Variants in ERC2 observed in about 807,000 individuals in gnomAD.
ERC2 encodes the protein ELKS/RAB6-interacting/CAST family member 2, also known as ERC protein 2.
A neutral mutation model predicts 114.8 loss-of-function variants in ERC2; 42 were observed. That is an observed-to-expected ratio of 0.37 (90% confidence interval 0.29 to 0.47). The LOEUF (loss-of-function observed/expected upper bound fraction) is 0.47. Ranked by LOEUF, ERC2 falls within the 20% of genes least tolerant of loss-of-function variation. The pLI is 0.99. For missense variants in ERC2, 939 were observed against 1,150.7 expected (o/e 0.82, Z 2.66); for synonymous variants, 454 against 425.5 (o/e 1.07, Z -0.82).
chr3:56,381,106 A>G (rs909976098), intron 2 of ERC2, among the ~76,000 whole-genome samples: 14 of 152,246 alleles, frequency 9.2e-5, no homozygotes, highest in Middle Eastern at 3.2e-3. Context: ...TGATTATGCC[A>G]AGAAAAACCT....
chr3:56,095,245 T>A (rs576220928), intron 6 of ERC2, among the ~76,000 whole-genome samples: 1 of 152,172 alleles, frequency 6.6e-6, no homozygotes, highest in Non-Finnish European at 1.5e-5. Context: ...CAAAAAGTAT[T>A]AATATAGATA....
At chr3:56,409,561 A>C in intron 2 of ERC2, among the ~76,000 whole-genome samples, 1 of 151,826 alleles carries the variant, frequency 6.6e-6, no homozygotes, top group Admixed American at 6.6e-5. Flanking sequence ...GGCTGGTGAT[A>C]TTTAAATGAA....
intron 2 of ERC2, among the ~76,000 whole-genome samples, chr3:56,389,535 G>A (rs1466221228): frequency 6.6e-6 from 1 of 152,196 alleles, no homozygotes; most frequent in African/African-American, 2.4e-5. Flanking sequence ...CAGCAGGAGA[G>A]GGCCACACAT....
chr3:55,866,918 A>G (rs777907665), intron 14 of ERC2, among the ~76,000 whole-genome samples: 1 of 152,142 alleles, frequency 6.6e-6, no homozygotes, highest in Non-Finnish European at 1.5e-5. Flanking sequence ...ATCGTCTTGG[A>G]TATCTTTTAT....
chr3:55,983,338 T>A (rs140015830), intron 12 of ERC2, among the ~76,000 whole-genome samples: 2 of 152,330 alleles, frequency 1.3e-5, no homozygotes, highest in African/African-American at 4.8e-5. Context: ...CATGCTAATC[T>A]CACAAATAGT....
chr3:55,888,831 T>C (rs950032614), intron 13 of ERC2, among the ~76,000 whole-genome samples: 9 of 152,088 alleles, frequency 5.9e-5, no homozygotes, highest in African/African-American at 1.9e-4. Context: ...CGGGTGATGG[T>C]TGCACCAAAA....
At chr3:55,917,843 G>A (rs2065191946) in intron 13 of ERC2, among the ~76,000 whole-genome samples, 1 of 152,146 alleles carries the variant, frequency 6.6e-6, no homozygotes, top group Admixed American at 6.5e-5. Context: ...GTGGATACCA[G>A]TTATATCTTT....
chr3:56,344,951 T>C (rs2058248252), intron 2 of ERC2, among the ~76,000 whole-genome samples: 1 of 152,182 alleles, frequency 6.6e-6, no homozygotes, highest in African/African-American at 2.4e-5. Context: ...AATCTACATG[T>C]TCTTCCTCAG....
At chr3:55,759,765 T>C (rs926852355) in intron 14 of ERC2, among the ~76,000 whole-genome samples, 13 of 152,298 alleles carry the variant, frequency 8.5e-5, no homozygotes, top group African/African-American at 3.1e-4. Flanking sequence ...TGTTTCCAAT[T>C]ATCTGAATGA....
intron 1 of ERC2, among the ~76,000 whole-genome samples, chr3:56,436,343 T>C (rs751723876): frequency 6.6e-5 from 10 of 152,222 alleles, no homozygotes; most frequent in Admixed American, 1.3e-4. Flanking sequence ...ATGAGGTTTA[T>C]AAAACACCTA....
chr3:55,877,013 TAAGTC>T (rs1478621860), intron 14 of ERC2, among the ~76,000 whole-genome samples: 1 of 152,132 alleles, frequency 6.6e-6, no homozygotes, highest in Middle Eastern at 3.2e-3. Flanking sequence ...CATGTGAAAA[TAAGTC>T]AAGTTAAATC....
At chr3:55,858,961 C>T (rs2061905685) in intron 14 of ERC2, among the ~76,000 whole-genome samples, 1 of 152,180 alleles carries the variant, frequency 6.6e-6, no homozygotes, top group African/African-American at 2.4e-5. Flanking sequence ...CACTCTATCC[C>T]TAATTTTGCA....
intron 14 of ERC2, among the ~76,000 whole-genome samples, chr3:55,849,494 A>AT (rs1024398806): frequency 2.0e-5 from 3 of 151,944 alleles, no homozygotes; most frequent in African/African-American, 7.3e-5. Flanking sequence ...ACATTTTAAG[A>AT]TTTTTTCCCA....
intron 14 of ERC2, among the ~76,000 whole-genome samples, chr3:55,839,889 A>G (rs538961772): frequency 7.2e-5 from 11 of 152,174 alleles, no homozygotes; most frequent in Admixed American, 5.2e-4. Flanking sequence ...TTAAAATGCA[A>G]AGATTTTCAT....
chr3:55,951,927 C>A (rs976819366), intron 12 of ERC2, among the ~76,000 whole-genome samples: 3 of 151,832 alleles, frequency 2.0e-5, no homozygotes, highest in Non-Finnish European at 4.4e-5. Flanking sequence ...TACTCTCTCC[C>A]ATTCCAAGCA....
At chr3:55,844,371 G>A (rs889479661) in intron 14 of ERC2, among the ~76,000 whole-genome samples, 2 of 152,142 alleles carry the variant, frequency 1.3e-5, no homozygotes, top group Non-Finnish European at 2.9e-5. Flanking sequence ...CAATGAGAAT[G>A]AATTGACTAG....
chr3:55,943,396 G>T (rs1024805241), intron 13 of ERC2, among the ~76,000 whole-genome samples: 25 of 152,066 alleles, frequency 1.6e-4, no homozygotes, highest in African/African-American at 5.1e-4. Flanking sequence ...CACCTCAGAG[G>T]TCTCCCTTCC....
intron 2 of ERC2, among the ~76,000 whole-genome samples, chr3:56,392,172 T>C (rs1205752357): frequency 6.6e-6 from 1 of 152,246 alleles, no homozygotes; most frequent in Non-Finnish European, 1.5e-5. Context: ...ATTATTGAGA[T>C]GCATGTAGAT....
At chr3:55,685,299 A>G (rs1335494948) in intron 16 of ERC2, among the ~76,000 whole-genome samples, 1 of 152,192 alleles carries the variant, frequency 6.6e-6, no homozygotes, top group Non-Finnish European at 1.5e-5. Context: ...TGGACAACTC[A>G]GTATGAATTT....
Sources: allele counts gnomAD v4.1 joint callset (sites outside exome capture counted in the v4.1 genomes callset), GRCh38; gene constraint gnomAD v4.1.1; transcripts MANE v1.5; gene names NCBI Gene and HGNC (gene_info 2026-07-23, HGNC 2026-07-21).